The following PRKD1 variants were observed in gnomAD, a reference collection of about 807,000 sequenced individuals.
PRKD1 encodes the protein protein kinase D1.
PRKD1 carries 63 observed loss-of-function variants against 95.9 expected under a neutral mutation model. The ratio of observed to expected loss-of-function variants is 0.66; its 90% CI spans 0.54 to 0.81. The LOEUF (loss-of-function observed/expected upper bound fraction) is 0.81, where lower values mean the gene tolerates loss of function less well. PRKD1 is among the 30% of genes least tolerant of loss of function. PRKD1 has a pLI of 0.00. For missense variants in PRKD1, 1,048 were observed against 1,165.3 expected (o/e 0.90, Z 1.47); for synonymous variants, 425 against 423.1 (o/e 1.00, Z -0.05).
chr14:29,718,783 T>A (rs1885745528), intron 2 of PRKD1, among the ~76,000 whole-genome samples: 1 of 152,158 alleles, frequency 6.6e-6, no homozygotes, highest in Admixed American at 6.6e-5. Flanking sequence ...AAACCTTAGT[T>A]GCCCAAGTAG....
chr14:29,832,913 G>T lies in PRKD1; in HGVS notation c.264+94336C>A, dbSNP rs1256181813. Among the ~76,000 whole-genome samples the T allele has an allele frequency of 2.0e-5, 3 of 151,796 alleles. No individual in the cohort carries two copies. In the East Asian group the frequency reaches 5.8e-4, roughly 29 times the overall value. On this transcript the variant is annotated intron_variant, in intron 1 of 17. Coordinates refer to ENST00000331968, the MANE Select transcript of PRKD1 (RefSeq NM_002742.3). ...TTTATTTTATTCCTTTTGTACCTAG[G>T]TATCACACTTTGTATATGCAGCCTT...
chr14:29,862,942 C>A (rs1377957928), intron 1 of PRKD1, among the ~76,000 whole-genome samples: 12 of 152,110 alleles, frequency 7.9e-5, no homozygotes, highest in Admixed American at 6.5e-4. Context: ...TTGCCCAGAC[C>A]GATGTCCTGG....
intron 14 of PRKD1, 48 bp downstream of exon 14, chr14:29,599,608 A>G: frequency 6.5e-7 from 1 of 1,537,382 alleles, no homozygotes; most frequent in Non-Finnish European, 8.9e-7. Context: ...CAGTGATAAC[A>G]TTTGATATTA....
chr14:29,917,821 A>G (rs1036098480), intron 1 of PRKD1, among the ~76,000 whole-genome samples: 9 of 152,210 alleles, frequency 5.9e-5, no homozygotes, highest in Non-Finnish European at 2.9e-5. Flanking sequence ...AAAATAAAAC[A>G]TAACGCAATA....
chr14:29,872,419 T>C (rs1341168160), intron 1 of PRKD1, among the ~76,000 whole-genome samples: 1 of 151,900 alleles, frequency 6.6e-6, no homozygotes, highest in Non-Finnish European at 1.5e-5. Flanking sequence ...TCCCAGCACT[T>C]TGAGAGGCCA....
At chr14:29,616,275 T>C (rs1003941290) in intron 13 of PRKD1, among the ~76,000 whole-genome samples, 3 of 141,158 alleles carry the variant, frequency 2.1e-5, no homozygotes, top group Non-Finnish European at 4.5e-5. Context: ...AGCCATGTAT[T>C]GCCATGTATT....
chr14:29,877,156 A>C (rs79566015), intron 1 of PRKD1, among the ~76,000 whole-genome samples: 16 of 151,676 alleles, frequency 1.1e-4, no homozygotes, highest in African/African-American at 3.6e-4. Flanking sequence ...AGTCTCAAAG[A>C]AAAAAAAAGA....
chr14:29,749,549 G>T (rs374764106), intron 1 of PRKD1, among the ~76,000 whole-genome samples: 1 of 152,184 alleles, frequency 6.6e-6, no homozygotes, highest in Non-Finnish European at 1.5e-5. Flanking sequence ...GAATATGGCT[G>T]AGGCAGAGCA....
At chr14:29,744,895 C>G (rs1887142591) in intron 1 of PRKD1, among the ~76,000 whole-genome samples, 1 of 152,154 alleles carries the variant, frequency 6.6e-6, no homozygotes, top group Non-Finnish European at 1.5e-5. Context: ...CCAACAGCTT[C>G]CCTTCACACA....
intron 1 of PRKD1, among the ~76,000 whole-genome samples, chr14:29,870,083 A>G (rs1893050627): frequency 6.6e-6 from 1 of 152,212 alleles, no homozygotes; most frequent in Non-Finnish European, 1.5e-5. Context: ...AAAAGCAATC[A>G]GGTGAAACCC....
intron 1 of PRKD1, among the ~76,000 whole-genome samples, chr14:29,794,522 T>C (rs570294721): frequency 6.6e-6 from 1 of 152,218 alleles, no homozygotes; most frequent in South Asian, 2.1e-4. Flanking sequence ...TAGATTTTCA[T>C]CAGGCTATAC....
intron 2 of PRKD1, among the ~76,000 whole-genome samples, chr14:29,707,690 C>A (rs1370914685): frequency 6.6e-6 from 1 of 152,112 alleles, no homozygotes; most frequent in Non-Finnish European, 1.5e-5. Flanking sequence ...GCAGAACCTC[C>A]AATTCAGGCA....
intron 4 of PRKD1, among the ~76,000 whole-genome samples, chr14:29,646,216 C>T (rs949363191): frequency 1.3e-5 from 2 of 151,906 alleles, no homozygotes; most frequent in Non-Finnish European, 2.9e-5. Context: ...CTATGTTGTG[C>T]ATTATTAGTA....
chr14:29,610,527 G>A (rs1878391726), intron 13 of PRKD1, among the ~76,000 whole-genome samples: 1 of 152,186 alleles, frequency 6.6e-6, no homozygotes, highest in Non-Finnish European at 1.5e-5. Context: ...GCCAAATGCT[G>A]GCAAGGATGT....
chr14:29,744,105 T>A (rs1462276276), intron 1 of PRKD1, among the ~76,000 whole-genome samples: 1 of 152,146 alleles, frequency 6.6e-6, no homozygotes, highest in African/African-American at 2.4e-5. Context: ...GTGACACAAA[T>A]TTCTAACTCT....
At chr14:29,911,874 A>G (rs1894726252) in intron 1 of PRKD1, among the ~76,000 whole-genome samples, 1 of 152,156 alleles carries the variant, frequency 6.6e-6, no homozygotes, top group Non-Finnish European at 1.5e-5. Context: ...AGCTTTTCCT[A>G]TGTTCCTTGG....
chr14:29,577,180 C>A lies in PRKD1; in HGVS notation c.*58G>T. ...GCAGTTCTGCAAGGCAAATGTTAAA[C>A]CTGACCGTATGTATTTATTAGTTCC... On this transcript the variant is annotated 3_prime_UTR_variant, in exon 18 of 18. Coordinates refer to ENST00000331968, the MANE Select transcript of PRKD1 (RefSeq NM_002742.3). 1.3e-6 allele frequency: 2 copies of A among 1,534,202 alleles called. No individual in the cohort carries two copies. Among genetic ancestry groups the A allele is most frequent in the Non-Finnish European group, 1.8e-6 (2 of 1,111,210 alleles).
intron 13 of PRKD1, among the ~76,000 whole-genome samples, chr14:29,602,497 T>C (rs188585697): frequency 6.6e-6 from 1 of 150,864 alleles, no homozygotes; most frequent in East Asian, 2.0e-4. Flanking sequence ...ATGGCAAATC[T>C]CGGCTCACCA....
At chr14:29,626,619 TA>T (rs1490277909) in intron 11 of PRKD1, 63 bp from the exon 12 acceptor site, 2 of 980,314 alleles carry the variant, frequency 2.0e-6, no homozygotes, top group Non-Finnish European at 2.9e-6. Context: ...TCCTAAAAAT[TA>T]ATATAATTCT....
Sources: allele counts gnomAD v4.1 joint callset (sites outside exome capture counted in the v4.1 genomes callset), GRCh38; gene constraint gnomAD v4.1.1; transcripts MANE v1.5; gene names NCBI Gene and HGNC (gene_info 2026-07-23, HGNC 2026-07-21).